Variants in PDSS2 observed in about 807,000 individuals in gnomAD.
PDSS2 encodes the protein decaprenyl diphosphate synthase subunit 2, also known as all trans-polyprenyl-diphosphate synthase PDSS2.
PDSS2 carries 31 observed loss-of-function variants against 44.5 expected under a neutral mutation model. That is an observed-to-expected ratio of 0.70 (90% CI 0.52 to 0.94). PDSS2 has a LOEUF of 0.94. Among genes scored for constraint, PDSS2 ranks in the 40% least tolerant of loss-of-function variants. PDSS2 has a pLI of 0.00. For missense variants in PDSS2, 452 were observed against 482.2 expected (o/e 0.94, Z 0.59); for synonymous variants, 157 against 180.3 (o/e 0.87, Z 1.03).
chr6:107,264,782 T>C (rs1184273174), intron 3 of PDSS2, among the ~76,000 whole-genome samples: 3 of 152,208 alleles, frequency 2.0e-5, no homozygotes, highest in Admixed American at 6.5e-5. Context: ...GTCTCACTGA[T>C]AGCTTGCTGC....
At chr6:107,200,728 G>T (rs7748579) in intron 6 of PDSS2, among the ~76,000 whole-genome samples, 1 of 151,966 alleles carries the variant, frequency 6.6e-6, no homozygotes, top group African/African-American at 2.4e-5. Flanking sequence ...GTGGAATAGC[G>T]TGATTTCGGC....
chr6:107,210,083 G>GA (rs1447847128), intron 6 of PDSS2, among the ~76,000 whole-genome samples: 2 of 152,048 alleles, frequency 1.3e-5, no homozygotes, highest in East Asian at 1.9e-4. Flanking sequence ...CAGCTTGTGC[G>GA]AGAGTCCACA....
intron 1 of PDSS2, among the ~76,000 whole-genome samples, chr6:107,362,369 C>G (rs531289017): frequency 7.2e-5 from 11 of 152,152 alleles, no homozygotes; most frequent in African/African-American, 2.4e-4. Flanking sequence ...GGTGTTTCAG[C>G]GTAACTTCTG....
chr6:107,402,451 C>CACATATATATACGTGTATATATGTAT, intron 1 of PDSS2, among the ~76,000 whole-genome samples: 1 of 8,118 alleles, frequency 1.2e-4, no homozygotes, highest in South Asian at 0.01. Flanking sequence ...CACACACACA[C>CACATATATATACGTGTATATATGTAT]ACATATATAT....
chr6:107,355,702 T>C (rs1233281364), intron 1 of PDSS2, among the ~76,000 whole-genome samples: 3 of 152,224 alleles, frequency 2.0e-5, no homozygotes, highest in African/African-American at 7.2e-5. Flanking sequence ...TAGAAACTGA[T>C]AGCTCTTAGT....
At chr6:107,351,577 G>C (rs1778435594) in intron 1 of PDSS2, among the ~76,000 whole-genome samples, 1 of 152,034 alleles carries the variant, frequency 6.6e-6, no homozygotes, top group Non-Finnish European at 1.5e-5. Context: ...TATTACTCAA[G>C]AGCTGAAAAG....
intron 1 of PDSS2, among the ~76,000 whole-genome samples, chr6:107,349,489 C>T (rs1778365554): frequency 6.6e-6 from 1 of 151,766 alleles, no homozygotes; most frequent in African/African-American, 2.4e-5. Flanking sequence ...TGGCTCATGC[C>T]TGTAATCCCA....
chr6:107,435,818 A>C (rs9486618), intron 1 of PDSS2, among the ~76,000 whole-genome samples: 10,519 of 152,206 alleles, frequency 0.069, 429 homozygotes, highest in Non-Finnish European at 0.092. Context: ...CTGGAAATAA[A>C]ATCTTTTTAA....
chr6:107,277,261 G>C (rs796907621), intron 2 of PDSS2, among the ~76,000 whole-genome samples: 2 of 152,162 alleles, frequency 1.3e-5, no homozygotes, highest in South Asian at 4.1e-4. Flanking sequence ...TGGAGAAAAA[G>C]GACAAAACAA....
chr6:107,396,678 C>CTTTCTTTTTTTTTTTT lies in PDSS2; in HGVS notation c.296+62311_296+62312insAAAAAAAAAAAAGAAA, dbSNP rs1382187450. On this transcript the variant is annotated intron_variant, in intron 1 of 7. Coordinates refer to ENST00000369037, the MANE Select transcript of PDSS2 (RefSeq NM_020381.4). ...CTTTCTTTTTTTCCTCTTCTTTTTTCTTTTTTTTTTTTTTTTTTTTTTGAG... is the reference window on the plus strand; with the variant it reads ...CTTTCTTTTTTTCCTCTTCTTTTTTCTTTCTTTTTTTTTTTTTTTTTTTTTTTTTTTTTTTTTTGAG... 2.5e-5 allele frequency among the ~76,000 whole-genome samples: 2 copies of CTTTCTTTTTTTTTTTT among 79,330 alleles called. 1 individual carries two copies. 52.0% of individuals were successfully genotyped at this position (79,330 alleles called of 152,430 possible).
chr6:107,209,349 T>A (rs1245487545), intron 6 of PDSS2, among the ~76,000 whole-genome samples: 3 of 152,164 alleles, frequency 2.0e-5, no homozygotes, highest in Admixed American at 6.5e-5. Flanking sequence ...GGAGGACTGC[T>A]CAGGGATATG....
At chr6:107,412,021 G>A (rs10457165) in intron 1 of PDSS2, among the ~76,000 whole-genome samples, 7,258 of 150,632 alleles carry the variant, frequency 0.048, 352 homozygotes, top group African/African-American at 0.12. Context: ...GAGTAGCTGC[G>A]ATTACAGGCA....
At chr6:107,281,642 A>G (rs1775963509) in intron 2 of PDSS2, among the ~76,000 whole-genome samples, 1 of 152,174 alleles carries the variant, frequency 6.6e-6, no homozygotes, top group Non-Finnish European at 1.5e-5. Flanking sequence ...TGTGATCAAT[A>G]TTATTTTTTG....
chr6:107,218,829 G>A (rs562145903), intron 4 of PDSS2, among the ~76,000 whole-genome samples: 29 of 152,212 alleles, frequency 1.9e-4, no homozygotes, highest in Non-Finnish European at 3.7e-4. Context: ...AGGCCAAGGC[G>A]GCCGGATCAC....
intron 1 of PDSS2, among the ~76,000 whole-genome samples, chr6:107,371,061 G>T (rs1397341474): frequency 1.3e-5 from 2 of 151,802 alleles, no homozygotes; most frequent in Non-Finnish European, 2.9e-5. Flanking sequence ...GCACCTGTAA[G>T]CCCAGCTACT....
At chr6:107,162,966 T>C (rs538251419) in intron 7 of PDSS2, among the ~76,000 whole-genome samples, 27 of 152,198 alleles carry the variant, frequency 1.8e-4, no homozygotes, top group Non-Finnish European at 2.9e-4. Flanking sequence ...ATTTCTCCAA[T>C]TGGTTCCAGA....
intron 1 of PDSS2, among the ~76,000 whole-genome samples, chr6:107,335,982 G>T (rs1431987012): frequency 1.5e-5 from 2 of 135,542 alleles, no homozygotes; most frequent in Non-Finnish European, 3.1e-5. Flanking sequence ...GAAAAATCTT[G>T]GTTGGGTATG....
At chr6:107,452,420 C>A (rs1206292183) in intron 1 of PDSS2, among the ~76,000 whole-genome samples, 1 of 151,864 alleles carries the variant, frequency 6.6e-6, no homozygotes, top group Non-Finnish European at 1.5e-5. Context: ...TTAGTAGAGA[C>A]AGGGTTTCAC....
chr6:107,417,808 CACACACAT>C (rs1242190244), intron 1 of PDSS2, among the ~76,000 whole-genome samples: 8 of 130,490 alleles, frequency 6.1e-5, no homozygotes, highest in Admixed American at 1.5e-4. Flanking sequence ...CACACACACA[CACACACAT>C]ATATACACCT....
Sources: gnomAD v4.1 joint callset for allele counts (sites outside exome capture counted in the v4.1 genomes callset) on GRCh38, gnomAD v4.1.1 for gene constraint, MANE v1.5 for transcripts, NCBI Gene and HGNC (gene_info 2026-07-23, HGNC 2026-07-21) for gene names.